The following ADCK1 variants were observed in gnomAD, a reference collection of about 807,000 sequenced individuals.
ADCK1 encodes aarF domain-containing protein kinase 1.
ADCK1 carries 41 observed loss-of-function variants against 52.3 expected under a neutral mutation model. That is an observed-to-expected ratio of 0.78 (90% CI 0.61 to 1.02). The LOEUF (loss-of-function observed/expected upper bound fraction) is 1.02. Ranked by LOEUF, ADCK1 falls within the 50% of genes least tolerant of loss-of-function variation. The pLI is 0.00. For missense variants in ADCK1, 658 were observed against 679.5 expected (o/e 0.97, Z 0.35); for synonymous variants, 250 against 274.6 (o/e 0.91, Z 0.89).
At chr14:77,914,617 A>G in intron 7 of ADCK1, 1 of 983,254 alleles carries the variant, frequency 1.0e-6, no homozygotes, top group Non-Finnish European at 1.2e-6. Context: ...TTTCAAAGTT[A>G]GGGCCCCTGA....
chr14:77,877,878 T>C (rs1484968152), intron 4 of ADCK1, among the ~76,000 whole-genome samples: 1 of 152,212 alleles, frequency 6.6e-6, no homozygotes, highest in East Asian at 1.9e-4. Context: ...AGTGCTGGGA[T>C]TACAGATGTT....
At chr14:77,909,844 T>G (rs1489458932) in intron 7 of ADCK1, among the ~76,000 whole-genome samples, 1 of 152,182 alleles carries the variant, frequency 6.6e-6, no homozygotes, top group East Asian at 1.9e-4. Context: ...GGCCCTTTTC[T>G]CCATAATAAA....
At chr14:77,817,967 T>C (rs141709562) in intron 1 of ADCK1, among the ~76,000 whole-genome samples, 2 of 151,962 alleles carry the variant, frequency 1.3e-5, no homozygotes, top group East Asian at 3.9e-4. Flanking sequence ...CTTGATCTCC[T>C]GACCTTGTGA....
At chr14:77,882,961 C>G (rs529517328) in intron 4 of ADCK1, among the ~76,000 whole-genome samples, 3 of 137,748 alleles carry the variant, frequency 2.2e-5, no homozygotes, top group East Asian at 2.5e-4. Flanking sequence ...ACACCACCCC[C>G]CCCCCCGTGC....
chr14:77,886,917 CACACACACACACACACACACACACGCACA>C (rs2083161625), intron 4 of ADCK1, among the ~76,000 whole-genome samples, 145 bp from the exon 5 acceptor site: 1 of 46,194 alleles, frequency 2.2e-5, no homozygotes, highest in African/African-American at 5.5e-5. Flanking sequence ...AACACACACA[CACACACACACACACACACACACACGCACA>C]ACACACACAC....
intron 5 of ADCK1, among the ~76,000 whole-genome samples, chr14:77,891,888 T>G (rs1874590408): frequency 6.6e-6 from 1 of 152,208 alleles, no homozygotes; most frequent in South Asian, 2.1e-4. Flanking sequence ...GAAGTGAATA[T>G]TTTGTTTTTC....
At chr14:77,842,385 T>C (rs1035715525) in intron 3 of ADCK1, among the ~76,000 whole-genome samples, 2 of 152,094 alleles carry the variant, frequency 1.3e-5, no homozygotes, top group African/African-American at 4.8e-5. Context: ...TTTGTGCCTA[T>C]TTTAGCTGTC....
chr14:77,844,498 C>T (rs1333176322), intron 3 of ADCK1, among the ~76,000 whole-genome samples: 10 of 152,286 alleles, frequency 6.6e-5, no homozygotes, highest in South Asian at 2.1e-4. Flanking sequence ...ATGTCAGTGG[C>T]GTTGGTCTTA....
intron 6 of ADCK1, chr14:77,900,756 T>C: frequency 2.8e-6 from 1 of 362,334 alleles, no homozygotes; most frequent in South Asian, 2.1e-5. Flanking sequence ...TCGCAGATGA[T>C]AGTACACATA....
At chr14:77,854,822 G>T (rs1388511991) in intron 3 of ADCK1, among the ~76,000 whole-genome samples, 1 of 152,170 alleles carries the variant, frequency 6.6e-6, no homozygotes, top group Non-Finnish European at 1.5e-5. Flanking sequence ...GCTCCCCAAA[G>T]TGCTGGGATT....
At position 77,847,270 on chromosome 14, in the gene ADCK1, G is replaced by A. The variant is rs1248040338; in HGVS notation, c.220-11806G>A. Among the ~76,000 whole-genome samples, 3 of 152,068 alleles carry A rather than the reference G, an allele frequency of 2.0e-5. No individual in the cohort carries two copies. In the East Asian group the frequency reaches 5.8e-4, roughly 29 times the overall value. On this transcript the variant is annotated intron_variant, in intron 3 of 10. Transcript: ENST00000238561. ...GGGCTGCCTTGTATGGGCCTGTCAGGAGTTTAAACTTCATACCAGGCTGGG... is the reference window on the plus strand; with the variant it reads ...GGGCTGCCTTGTATGGGCCTGTCAGAAGTTTAAACTTCATACCAGGCTGGG...
chr14:77,911,086 T>C (rs567033755), intron 7 of ADCK1, among the ~76,000 whole-genome samples: 1 of 152,196 alleles, frequency 6.6e-6, no homozygotes, highest in Non-Finnish European at 1.5e-5. Context: ...TATAAGCAAC[T>C]AATATGTGCC....
intron 4 of ADCK1, among the ~76,000 whole-genome samples, chr14:77,880,445 C>T (rs1270268927): frequency 6.6e-6 from 1 of 152,170 alleles, no homozygotes; most frequent in African/African-American, 2.4e-5. Flanking sequence ...CTTTTGGAAC[C>T]CCAGAAAGAA....
At chr14:77,830,328 A>G (rs1369076616) in intron 3 of ADCK1, among the ~76,000 whole-genome samples, 1 of 150,980 alleles carries the variant, frequency 6.6e-6, no homozygotes, top group Admixed American at 6.6e-5. Context: ...TAATTTTTGT[A>G]TTTTTTGGTA....
At chr14:77,924,684 C>A in intron 8 of ADCK1, 78 bp downstream of exon 8, 1 of 1,564,372 alleles carries the variant, frequency 6.4e-7, no homozygotes, top group South Asian at 1.1e-5. Context: ...GCTGCAGAAC[C>A]GGGAGGGAGA....
At chr14:77,931,843 C>A in intron 10 of ADCK1, 132 bp downstream of exon 10, 1 of 972,184 alleles carries the variant, frequency 1.0e-6, no homozygotes, top group Non-Finnish European at 1.5e-6. Context: ...GATATCCCTG[C>A]AGGCAAAGTT....
rs1241498100 is a variant in ADCK1 at position 77,805,387 on chromosome 14, G to A, written c.-12+5217G>A. ...AGTGATTCTCCTGCCTCAGCCTCCC[G>A]AGTAACTGGGATTACAGGCACCTGC... On this transcript the variant is annotated intron_variant, in intron 1 of 10. Transcript: ENST00000238561. 2.1e-5 allele frequency among the ~76,000 whole-genome samples: 3 copies of A among 146,290 alleles called. No homozygotes were observed. In the East Asian group the frequency reaches 6.5e-4, roughly 32 times the overall value.
intron 3 of ADCK1, among the ~76,000 whole-genome samples, chr14:77,858,647 T>C (rs780882266): frequency 4.6e-5 from 7 of 152,184 alleles, no homozygotes; most frequent in Non-Finnish European, 8.8e-5. Context: ...CATATGACCA[T>C]GTTTTATAAA....
At chr14:77,914,237 C>T (rs937470363) in intron 7 of ADCK1, 5 of 211,000 alleles carry the variant, frequency 2.4e-5, no homozygotes, top group Non-Finnish European at 4.1e-5. Flanking sequence ...TTTTGCTTAT[C>T]TCACTTTGCC....
Sources: gnomAD v4.1 joint callset for allele counts (sites outside exome capture counted in the v4.1 genomes callset) on GRCh38, gnomAD v4.1.1 for gene constraint, MANE v1.5 for transcripts, NCBI Gene and HGNC (gene_info 2026-07-23, HGNC 2026-07-21) for gene names.